The following SCFD2 variants were observed in gnomAD, a reference collection of about 807,000 sequenced individuals.
The protein encoded by SCFD2 is sec1 family domain containing 2.
Under a neutral mutation model 58.9 loss-of-function variants are expected in SCFD2, and 54 were observed. That is an observed-to-expected ratio of 0.92 (90% CI 0.74 to 1.15). The LOEUF (loss-of-function observed/expected upper bound fraction) is 1.15, where lower values mean the gene tolerates loss of function less well. Among genes scored for constraint, SCFD2 ranks in the 50% most tolerant of loss-of-function variants. The probability of loss-of-function intolerance (pLI) is 0.00; values close to 1 mark genes in which losing one functional copy is unlikely to be tolerated. For missense variants in SCFD2, 805 were observed against 836.6 expected (o/e 0.96, Z 0.47); for synonymous variants, 321 against 335.9 (o/e 0.96, Z 0.49).
intron 5 of SCFD2, chr4:52,948,570 T>C: frequency 2.2e-6 from 1 of 455,828 alleles, no homozygotes; most frequent in South Asian, 1.6e-5. Flanking sequence ...AGTGCTAATA[T>C]TCTGTTCCTA....
intron 4 of SCFD2, among the ~76,000 whole-genome samples, chr4:53,250,179 C>T (rs891385862): frequency 6.6e-6 from 1 of 152,092 alleles, no homozygotes; most frequent in Non-Finnish European, 1.5e-5. Context: ...GACTTTAAAC[C>T]AACAAAGATC....
chr4:53,248,463 A>G (rs919019434), intron 4 of SCFD2, among the ~76,000 whole-genome samples: 11 of 152,204 alleles, frequency 7.2e-5, no homozygotes, highest in African/African-American at 1.7e-4. Flanking sequence ...CTCCACCTCT[A>G]GGGGCAGGGC....
intron 5 of SCFD2, among the ~76,000 whole-genome samples, chr4:53,036,778 C>A (rs1440410299): frequency 6.6e-6 from 1 of 152,080 alleles, no homozygotes; most frequent in African/African-American, 2.4e-5. Context: ...ACCACCATGG[C>A]ACATGTATAC....
intron 4 of SCFD2, among the ~76,000 whole-genome samples, chr4:53,154,504 C>A (rs1446145330): frequency 2.0e-5 from 3 of 152,196 alleles, no homozygotes; most frequent in Non-Finnish European, 4.4e-5. Context: ...CATCTCCCAC[C>A]AGGCCCCACC....
At chr4:53,238,034 T>C (rs564152919) in intron 4 of SCFD2, among the ~76,000 whole-genome samples, 6,105 of 40,306 alleles carry the variant, frequency 0.15, no homozygotes, top group African/African-American at 0.18. Flanking sequence ...CAAGATGGGG[T>C]GGCTGGCCGG....
At chr4:52,946,733 A>T (rs1191849205) in intron 5 of SCFD2, among the ~76,000 whole-genome samples, 1 of 152,156 alleles carries the variant, frequency 6.6e-6, no homozygotes, top group African/African-American at 2.4e-5. Context: ...AAAAATCCTC[A>T]TTTACCAGGA....
At chr4:53,308,906 G>A (rs1250484677) in intron 3 of SCFD2, among the ~76,000 whole-genome samples, 4 of 152,008 alleles carry the variant, frequency 2.6e-5, no homozygotes, top group South Asian at 2.1e-4. Flanking sequence ...CGAGGCGGGC[G>A]GATCACAAGG....
intron 5 of SCFD2, among the ~76,000 whole-genome samples, chr4:53,067,858 G>T (rs1337184274): frequency 6.6e-6 from 1 of 152,076 alleles, no homozygotes; most frequent in East Asian, 1.9e-4. Context: ...CAGGAATCTA[G>T]CAGGTGAATA....
At chr4:53,192,617 A>T (rs992049288) in intron 4 of SCFD2, among the ~76,000 whole-genome samples, 1 of 152,190 alleles carries the variant, frequency 6.6e-6, no homozygotes, top group Non-Finnish European at 1.5e-5. Flanking sequence ...ACGAATTGCC[A>T]TTCTTGACCC....
chr4:53,162,454 T>G (rs1488726528), intron 4 of SCFD2, among the ~76,000 whole-genome samples: 2 of 152,292 alleles, frequency 1.3e-5, no homozygotes, highest in Admixed American at 6.5e-5. Context: ...AAAAGCTGTC[T>G]GTAATGGGAT....
chr4:53,018,139 T>C (rs1398581695), intron 5 of SCFD2, among the ~76,000 whole-genome samples: 3 of 152,206 alleles, frequency 2.0e-5, no homozygotes, highest in Admixed American at 2.0e-4. Flanking sequence ...TTGGTTTTAT[T>C]TACTGTTTCA....
chr4:53,224,805 G>T (rs1729153263), intron 4 of SCFD2, among the ~76,000 whole-genome samples: 1 of 151,430 alleles, frequency 6.6e-6, no homozygotes, highest in Non-Finnish European at 1.5e-5. Context: ...TAATTGTGAT[G>T]TATTTTCCAG....
In SCFD2 at chr4:53,145,468, T is replaced by A. The variant is rs1184072794; in HGVS notation, c.1426A>T (p.Ile476Leu). The A allele has an allele frequency of 1.2e-6, 2 of 1,613,968 alleles. No homozygotes were observed. Among genetic ancestry groups the A allele is most frequent in the African/African-American group, 2.7e-5 (2 of 74,898 alleles). Residue 476 changes from isoleucine to leucine, a missense_variant, in exon 5 of 9, where the codon ATA (isoleucine) becomes TTA (leucine). Coordinates refer to ENST00000401642, the MANE Select transcript of SCFD2 (RefSeq NM_152540.4). ...TCTCCAGTGACAGAATAAATATATA[T>A]GAGAAGGATCAGCAGTTCCTCAGGG... ...YSPEELLILL[I>L]YIYSVTGELT... is the part of the protein sequence containing the mutation.
chr4:53,216,484 G>C (rs1344032863), intron 4 of SCFD2, among the ~76,000 whole-genome samples: 1 of 152,114 alleles, frequency 6.6e-6, no homozygotes, highest in Admixed American at 6.5e-5. Context: ...TGTGGGATTG[G>C]TGGTGATATC....
chr4:53,204,404 T>C (rs1728344156), intron 4 of SCFD2, among the ~76,000 whole-genome samples: 1 of 151,558 alleles, frequency 6.6e-6, no homozygotes, highest in Non-Finnish European at 1.5e-5. Context: ...AAATAATATT[T>C]AGAATACAGA....
At chr4:52,958,259 C>G (rs975188215) in intron 5 of SCFD2, among the ~76,000 whole-genome samples, 1 of 152,176 alleles carries the variant, frequency 6.6e-6, no homozygotes, top group Non-Finnish European at 1.5e-5. Flanking sequence ...AGGTTATGAA[C>G]TTGTGCTTAC....
intron 4 of SCFD2, among the ~76,000 whole-genome samples, chr4:53,249,076 A>T (rs1452214601): frequency 1.3e-5 from 2 of 152,202 alleles, no homozygotes; most frequent in Non-Finnish European, 2.9e-5. Flanking sequence ...AGACGATTGT[A>T]TTAAATAGAA....
intron 7 of SCFD2, among the ~76,000 whole-genome samples, chr4:52,891,126 C>T (rs1341205027): frequency 6.6e-6 from 1 of 152,142 alleles, no homozygotes; most frequent in Non-Finnish European, 1.5e-5. Flanking sequence ...GCTTTTCTCC[C>T]ACCAAGAATT....
At chr4:52,944,796 C>A (rs909548082) in intron 5 of SCFD2, among the ~76,000 whole-genome samples, 3 of 152,162 alleles carry the variant, frequency 2.0e-5, no homozygotes, top group Non-Finnish European at 4.4e-5. Flanking sequence ...GGTGAAGTAA[C>A]CTCCAGGTTA....
Sources: gnomAD v4.1 joint callset for allele counts (sites outside exome capture counted in the v4.1 genomes callset) on GRCh38, gnomAD v4.1.1 for gene constraint, MANE v1.5 for transcripts, NCBI Gene and HGNC (gene_info 2026-07-23, HGNC 2026-07-21) for gene names.